ACADL: variants seen among roughly 807,000 people sequenced by gnomAD.
ACADL encodes long-chain specific acyl-CoA dehydrogenase, mitochondrial.
A neutral mutation model predicts 56.9 loss-of-function variants in ACADL; 60 were observed. The ratio of observed to expected loss-of-function variants is 1.05; its 90% CI spans 0.86 to 1.31. ACADL has a LOEUF of 1.31. Ranked by LOEUF, ACADL falls within the 50% of genes most tolerant of loss-of-function variation. ACADL has a pLI of 0.00. For missense variants in ACADL, 484 were observed against 525.5 expected (o/e 0.92, Z 0.77); for synonymous variants, 158 against 179.7 (o/e 0.88, Z 0.97).
At chr2:210,218,701 A>T (rs1689130747) in intron 2 of ACADL, 1 of 153,512 alleles carries the variant, frequency 6.5e-6, no homozygotes, top group Non-Finnish European at 1.4e-5. Context: ...GTACTCTTAC[A>T]TACAAGCTTA....
chr2:210,204,468 A>C, intron 7 of ACADL, 113 bp downstream of exon 7: 3 of 804,202 alleles, frequency 3.7e-6, no homozygotes, highest in Non-Finnish European at 6.2e-6. Flanking sequence ...TAGCTATTTC[A>C]CAAGTTTTGC....
In ACADL at chr2:210,218,082, A is replaced by T; in HGVS notation, c.254T>A (p.Val85Glu). 6.2e-7 allele frequency: 1 copy of T among 1,613,804 alleles called. No individual in the cohort carries two copies. Among genetic ancestry groups the T allele is most frequent in the South Asian group, 1.1e-5 (1 of 91,064 alleles). ...HHSEWEKAGE[V>E]SREVWEKAGK... ...AGCTTTTTCCCAAACCTCCCTACTT[A>T]CTTCTCCAGCTTTCTCCCATCTGCA... The change falls in exon 3 of 11, where the codon GTA (valine) becomes GAA (glutamate). Residue 85 changes from valine to glutamate, a missense_variant. By Grantham distance (121) the Val-to-Glu change is moderately radical (BLOSUM62 -2). Coordinates refer to ENST00000233710, the MANE Select transcript of ACADL (RefSeq NM_001608.4).
intron 5 of ACADL, among the ~76,000 whole-genome samples, chr2:210,206,587 G>A (rs970250431): frequency 3.9e-5 from 6 of 151,976 alleles, no homozygotes; most frequent in Non-Finnish European, 8.8e-5. Flanking sequence ...GGTCTAAATA[G>A]GAAACTATGA....
chr2:210,221,551 C>T (rs919290758), intron 1 of ACADL, among the ~76,000 whole-genome samples: 1 of 152,102 alleles, frequency 6.6e-6, no homozygotes, highest in Non-Finnish European at 1.5e-5. Context: ...CAAATCTTGC[C>T]AAAGGATGCT....
rs777865916 is a variant in ACADL, at chr2:210,190,389, G to GAT, written c.1200-1337_1200-1336dup. ...TACTTCAGCAGTCCCAATGCGTTTAGATATATATATATATATTTGTAAATG... is the reference window on the plus strand; with the variant it reads ...TACTTCAGCAGTCCCAATGCGTTTAGATATATATATATATATATTTGTAAATG... On this transcript the variant is annotated intron_variant, in intron 10 of 10. Transcript: ENST00000233710. Among the ~76,000 whole-genome samples the GAT allele has an allele frequency of 3.0e-3, 455 of 150,184 alleles. 2 individuals carry two copies. The highest frequency in any genetic ancestry group is 8.3e-3 in the African/African-American group (340 of 41,050).
chr2:210,207,968 C>T (rs1370414959), intron 5 of ACADL, among the ~76,000 whole-genome samples: 1 of 152,118 alleles, frequency 6.6e-6, no homozygotes, highest in Non-Finnish European at 1.5e-5. Context: ...CAAAAAAATT[C>T]TATACAACTT....
intron 8 of ACADL, among the ~76,000 whole-genome samples, chr2:210,197,298 A>G (rs894719849): frequency 2.6e-5 from 4 of 152,028 alleles, no homozygotes; most frequent in Non-Finnish European, 5.9e-5. Context: ...CCATCTCTGT[A>G]TTCTGGCCTC....
chr2:210,218,285 C>CTTTTTTTT lies in ACADL; in HGVS notation c.234-191_234-184dup, dbSNP rs35116912. On this transcript the variant is annotated intron_variant, in intron 2 of 10. Coordinates refer to ENST00000233710, the MANE Select transcript of ACADL (RefSeq NM_001608.4). ...TCACTTCTGTTCCTCCTTTTTTCTG[C>CTTTTTTTT]TTTTTTTTTTTTTTTTTTTTGAGAC... 9.4e-5 allele frequency among the ~76,000 whole-genome samples: 9 copies of CTTTTTTTT among 95,368 alleles called. 1 individual carries two copies. The highest frequency in any genetic ancestry group is 1.6e-4 in the Admixed American group (1 of 6,304). The allele number at this position is 95,368 out of a possible 152,430, so 62.6% of individuals were successfully genotyped here. A position where few individuals can be genotyped will look rare whatever the true frequency, so the allele number is the denominator to read the frequency against.
chr2:210,225,253 C>A lies in ACADL; in HGVS notation c.11G>T (p.Arg4Leu). The change falls in exon 1 of 11, where the codon CGC becomes CTC. Residue 4 changes from arginine to leucine, a missense_variant. By Grantham distance (102) the Arg-to-Leu change is moderately radical. Coordinates refer to ENST00000233710, the MANE Select transcript of ACADL (RefSeq NM_001608.4). ...GACGCGTAGGGACCCTCGGAGAAGG[C>A]GTGCGGCCATGTCCGAAACACAGGG... is the stretch of plus-strand genomic sequence containing the variant. MAARLLRGSLRVLG... is the reference protein window; with the variant it reads MAALLLRGSLRVLG... The A allele has an allele frequency of 6.4e-7, 1 of 1,557,586 alleles. No homozygotes were observed. Among genetic ancestry groups the A allele is most frequent in the East Asian group, 2.4e-5 (1 of 41,636 alleles).
In ACADL at chr2:210,203,448, T is replaced by G; in HGVS notation, c.871-4A>C. The G allele has an allele frequency of 1.9e-6, 3 of 1,604,864 alleles. No individual in the cohort carries two copies. The highest frequency in any genetic ancestry group is 1.7e-6 in the Non-Finnish European group (2 of 1,172,724). Reference sequence around the variant, plus strand: ...CATCAGCAATTAACAGCCTTTCCTATAACACAAAAATTAGGTCTTAAACAT... The same window carrying G: ...CATCAGCAATTAACAGCCTTTCCTAGAACACAAAAATTAGGTCTTAAACAT... On this transcript the variant is annotated splice_region_variant and splice_polypyrimidine_tract_variant and intron_variant, in intron 7 of 10. Transcript: ENST00000233710.
At chr2:210,196,319 A>G (rs1482477336) in intron 8 of ACADL, among the ~76,000 whole-genome samples, 1 of 151,970 alleles carries the variant, frequency 6.6e-6, no homozygotes, top group African/African-American at 2.4e-5. Context: ...AGCAGTATGA[A>G]AATGGATGAA....
chr2:210,215,764 G>GTTTCCTTCACAGTACTTCA (rs1433913214), intron 4 of ACADL, among the ~76,000 whole-genome samples: 2 of 152,038 alleles, frequency 1.3e-5, no homozygotes, highest in Admixed American at 6.6e-5. Flanking sequence ...ACACTACTTT[G>GTTTCCTTCACAGTACTTCA]TTTCCTTCAC....
chr2:210,209,208 T>G (rs1048437402), intron 5 of ACADL, among the ~76,000 whole-genome samples: 2 of 152,248 alleles, frequency 1.3e-5, no homozygotes, highest in African/African-American at 4.8e-5. Flanking sequence ...TAAAAACTAA[T>G]TCTTCAACAG....
intron 10 of ACADL, among the ~76,000 whole-genome samples, chr2:210,190,244 T>C (rs1688609657): frequency 6.6e-6 from 1 of 152,214 alleles, no homozygotes; most frequent in Non-Finnish European, 1.5e-5. Context: ...CTCAGAACTT[T>C]CTGCTGAAAG....
chr2:210,212,113 G>A (rs965198975), intron 4 of ACADL, among the ~76,000 whole-genome samples: 10 of 150,892 alleles, frequency 6.6e-5, no homozygotes, highest in South Asian at 2.1e-4. Flanking sequence ...GATTACAGGC[G>A]TGAGCCACCG....
intron 5 of ACADL, among the ~76,000 whole-genome samples, chr2:210,208,177 A>G (rs988556856): frequency 1.3e-5 from 2 of 152,198 alleles, no homozygotes; most frequent in East Asian, 3.9e-4. Flanking sequence ...ATGCTCTCAA[A>G]TGGTCTCATA....
At chr2:210,224,759 A>G (rs1021020901) in intron 1 of ACADL, 1 of 987,728 alleles carries the variant, frequency 1.0e-6, no homozygotes, top group African/African-American at 1.8e-5. Context: ...AGCCGTGGGG[A>G]ACGCCGGGTT....
intron 8 of ACADL, among the ~76,000 whole-genome samples, chr2:210,196,923 G>A (rs1688718888): frequency 6.6e-6 from 1 of 152,112 alleles, no homozygotes; most frequent in Non-Finnish European, 1.5e-5. Flanking sequence ...GAGGGTGGTG[G>A]GACACATTCT....
intron 8 of ACADL, among the ~76,000 whole-genome samples, chr2:210,199,946 C>T (rs1360906664): frequency 1.3e-5 from 2 of 152,018 alleles, no homozygotes; most frequent in African/African-American, 4.8e-5. Flanking sequence ...GGTTTTGCCA[C>T]GTTGTCCAGG....
Sources: allele counts gnomAD v4.1 joint callset (sites outside exome capture counted in the v4.1 genomes callset), GRCh38; gene constraint gnomAD v4.1.1; transcripts MANE v1.5; gene names NCBI Gene and HGNC (gene_info 2026-07-23, HGNC 2026-07-21).